MAGEA11: variants seen among roughly 807,000 people sequenced by gnomAD.
The protein encoded by MAGEA11 is melanoma-associated antigen 11.
MAGEA11 carries 1 observed loss-of-function variant against 8.4 expected under a neutral mutation model. The ratio of observed to expected loss-of-function variants is 0.12; its 90% CI spans 0.04 to 0.57. The LOEUF is 0.57. Among genes scored for constraint, MAGEA11 ranks in the 20% least tolerant of loss-of-function variants. MAGEA11 has a pLI of 0.91. For synonymous variants in MAGEA11, 127 were observed against 119.3 expected (o/e 1.06, Z -0.42); for missense variants, 209 against 317.3 (o/e 0.66, Z 2.59).
chrX:149,704,995 C>T (rs1173583307), intron 1 of MAGEA11, among the ~76,000 whole-genome samples: 1 of 112,697 alleles, frequency 8.9e-6, no homozygotes, highest in African/African-American at 3.2e-5. Context: ...GCAACCTTGG[C>T]TTTGTCCTCT....
At position 149,702,885 on chromosome X, in the gene MAGEA11, C is replaced by T. The variant is rs1335008883; in HGVS notation, c.10-11596C>T. On this transcript the variant is annotated intron_variant, in intron 1 of 3. Transcript: ENST00000333104. ...ACTACAATTGATAGTTTAACTTGTA[C>T]CAATCTATTTAAATTAATACCAACT... is the stretch of plus-strand genomic sequence containing the variant. Among the ~76,000 whole-genome samples, 3 of 111,958 alleles carry T rather than the reference C, an allele frequency of 2.7e-5. No homozygotes were observed. The East Asian group carries it at 8.4e-4, about 31-fold the overall frequency.
chrX:149,703,226 C>G (rs143565165), intron 1 of MAGEA11, among the ~76,000 whole-genome samples: 38 of 112,576 alleles, frequency 3.4e-4, no homozygotes, highest in African/African-American at 1.1e-3. Context: ...AGAAAATTGA[C>G]AACATGTTAG....
intron 1 of MAGEA11, among the ~76,000 whole-genome samples, chrX:149,701,986 G>T (rs1557361077): frequency 8.9e-6 from 1 of 112,072 alleles, no homozygotes; most frequent in Non-Finnish European, 1.9e-5. Context: ...AGTATAGTTT[G>T]AAGTCAGGTA....
At chrX:149,692,026 A>G (rs1414972520) in intron 1 of MAGEA11, among the ~76,000 whole-genome samples, 1 of 112,815 alleles carries the variant, frequency 8.9e-6, no homozygotes, top group Non-Finnish European at 1.9e-5. Context: ...CAAGTGGTCC[A>G]GGGCTTCACC....
At chrX:149,694,375 T>C (rs2090322075) in intron 1 of MAGEA11, among the ~76,000 whole-genome samples, 1 of 112,555 alleles carries the variant, frequency 8.9e-6, no homozygotes, top group African/African-American at 3.2e-5. Context: ...TGGAGAACTG[T>C]CTATTCAAAT....
At chrX:149,694,735 T>C (rs79980135) in intron 1 of MAGEA11, among the ~76,000 whole-genome samples, 1,331 of 111,077 alleles carry the variant, frequency 0.012, 25 homozygotes, top group African/African-American at 0.042. Context: ...TTTTTAATTT[T>C]ATTTCGACAA....
At chrX:149,706,587 G>C (rs781886361) in intron 1 of MAGEA11, among the ~76,000 whole-genome samples, 2 of 112,538 alleles carry the variant, frequency 1.8e-5, no homozygotes, top group Admixed American at 1.9e-4. Flanking sequence ...TCTTCTGCCA[G>C]TTCTATCTGA....
At chrX:149,711,325 T>C (rs782626205), upstream of MAGEA11, among the ~76,000 whole-genome samples, 1 of 112,463 alleles carries the variant, frequency 8.9e-6, no homozygotes, top group African/African-American at 3.2e-5. Context: ...AGATAAATTC[T>C]AAACGCAGGA....
intron 1 of MAGEA11, among the ~76,000 whole-genome samples, chrX:149,700,714 C>T (rs188365245): frequency 4.0e-5 from 4 of 100,461 alleles, no homozygotes; most frequent in East Asian, 3.4e-4. Context: ...ATCCCTCCCC[C>T]CTCCCCTGAC....
chrX:149,703,957 T>C (rs2090364861), intron 1 of MAGEA11, among the ~76,000 whole-genome samples: 1 of 112,323 alleles, frequency 8.9e-6, no homozygotes, highest in South Asian at 3.8e-4. Flanking sequence ...ACTTGATGTA[T>C]GGGCTTATAA....
intron 1 of MAGEA11, among the ~76,000 whole-genome samples, chrX:149,689,274 T>A (rs2090300805): frequency 9.0e-6 from 1 of 111,060 alleles, no homozygotes; most frequent in African/African-American, 3.3e-5. Flanking sequence ...CACTTCCTTG[T>A]TAAACCTCTT....
intron 1 of MAGEA11, among the ~76,000 whole-genome samples, chrX:149,702,656 G>A (rs2090359602): frequency 9.0e-6 from 1 of 111,282 alleles, no homozygotes; most frequent in Admixed American, 9.6e-5. Context: ...TAATCGAGGT[G>A]ATTAATCCAT....
chrX:149,713,295 T>G, intron 2 of MAGEA11, 40 bp downstream of exon 2: 2 of 879,278 alleles, frequency 2.3e-6, no homozygotes, highest in Non-Finnish European at 3.3e-6. Context: ...CAAGGCACGG[T>G]GGCCACATGT....
Position 149,716,690 on chromosome X carries a change from T to C in MAGEA11, c.1204T>C (p.Tyr402His), listed in dbSNP as rs1557362558. ...AETSKMKVLEYIANANGRDPT... is the reference protein window; with the variant it reads ...AETSKMKVLEHIANANGRDPT... ...GACCAGCAAGATGAAAGTTCTTGAG[T>C]ACATAGCCAATGCCAATGGGAGGGA... The change falls in exon 5 of 5, where the codon TAC (tyrosine) becomes CAC (histidine). Residue 402 changes from tyrosine (Y) to histidine (H), a missense_variant. Physicochemically the swap from Tyr to His is moderately conservative, Grantham distance 83. This residue lies in a region of MAGEA11 where 78 missense variants were observed against 178.8 expected (regional missense o/e 0.44). Coordinates refer to ENST00000355220, the MANE Select transcript of MAGEA11 (RefSeq NM_005366.5). 9 of 1,211,149 alleles carry C rather than the reference T, an allele frequency of 7.4e-6. No individual in the cohort carries two copies. The South Asian group carries it at 1.4e-4, about 19-fold the overall frequency.
At chrX:149,690,620 C>A (rs1180279970) in intron 1 of MAGEA11, among the ~76,000 whole-genome samples, 1 of 112,561 alleles carries the variant, frequency 8.9e-6, no homozygotes, top group East Asian at 2.8e-4. Flanking sequence ...TCATACATTG[C>A]TATTTTTAAC....
chrX:149,688,785 G>A (rs782051471), upstream of MAGEA11: 36 of 286,248 alleles, frequency 1.3e-4, no homozygotes, highest in African/African-American at 9.2e-4. Flanking sequence ...GGTATAGCTG[G>A]CTGCCTGAGT....
intron 1 of MAGEA11, among the ~76,000 whole-genome samples, chrX:149,692,546 A>G (rs1398401598): frequency 1.8e-5 from 2 of 111,907 alleles, no homozygotes; most frequent in Non-Finnish European, 3.8e-5. Flanking sequence ...TGTATTGAGT[A>G]AAGTTTCAGT....
At chrX:149,688,266 T>C (rs1352040745), upstream of MAGEA11, 1 of 112,057 alleles carries the variant, frequency 8.9e-6, no homozygotes, top group African/African-American at 3.3e-5. Flanking sequence ...GAAATGGGAG[T>C]TTAAGACCTA....
In MAGEA11 at chrX:149,716,347, C is replaced by T; in HGVS notation, c.861C>T (p.His287=). Residue 287 remains histidine, a synonymous_variant, in exon 5 of 5, where the codon CAC becomes CAT. Coordinates refer to ENST00000355220, the MANE Select transcript of MAGEA11 (RefSeq NM_005366.5). ...TGAAGGAAGTGGACCCCACTAGCCA[C>T]TCCTATGTCCTTGTCACCTCCCTCA... is the stretch of plus-strand genomic sequence containing the variant. ...IDVKEVDPTS[H]SYVLVTSLNL... 1 of 1,211,684 alleles carries T rather than the reference C, an allele frequency of 8.3e-7. No homozygotes were observed. Among genetic ancestry groups the T allele is most frequent in the Non-Finnish European group, 1.1e-6 (1 of 895,405 alleles).
Sources: gnomAD v4.1 joint callset for allele counts (sites outside exome capture counted in the v4.1 genomes callset) on GRCh38, gnomAD v4.1.1 for gene constraint, gnomAD v4.1.1 regional missense constraint, MANE v1.5 for transcripts, NCBI Gene and HGNC (gene_info 2026-07-23, HGNC 2026-07-21) for gene names.